The following SV2C variants were observed in gnomAD, a reference collection of about 807,000 sequenced individuals.
SV2C encodes the protein synaptic vesicle glycoprotein 2C.
SV2C carries 49 observed loss-of-function variants against 79.7 expected under a neutral mutation model. The observed-to-expected ratio is 0.61, with a 90% CI of 0.49 to 0.78. SV2C has a LOEUF of 0.78. Ranked by LOEUF, SV2C falls within the 30% of genes least tolerant of loss-of-function variation. The pLI is 0.00. For synonymous variants in SV2C, 334 were observed against 333.2 expected, an observed-to-expected ratio of 1.00 and a Z score of -0.03; for missense variants, 833 against 912.9, an observed-to-expected ratio of 0.91 and a Z score of 1.13.
chr5:76,243,848 A>G (rs1745867268), intron 4 of SV2C, among the ~76,000 whole-genome samples: 1 of 151,598 alleles, frequency 6.6e-6, no homozygotes, highest in Non-Finnish European at 1.5e-5. Flanking sequence ...ACATCCTCCC[A>G]CTCCAACTCA....
At chr5:76,204,040 G>T (rs1419973865) in intron 3 of SV2C, among the ~76,000 whole-genome samples, 1 of 152,200 alleles carries the variant, frequency 6.6e-6, no homozygotes, top group East Asian at 1.9e-4. Flanking sequence ...TATTCAGAAA[G>T]AGTGTTAGGT....
intron 1 of SV2C, among the ~76,000 whole-genome samples, chr5:76,104,086 C>G (rs1182072835): frequency 1.3e-5 from 2 of 152,204 alleles, no homozygotes; most frequent in Non-Finnish European, 2.9e-5. Context: ...GTGACTTTAA[C>G]TCATTTGCTA....
chr5:75,920,923 G>T, the SV2C span: 1 of 735,594 alleles, frequency 1.4e-6, no homozygotes, highest in East Asian at 2.5e-5. Flanking sequence ...TGGTCTCGTG[G>T]ATCCTGGCAA....
chr5:76,039,669 T>A, the SV2C span, among the ~76,000 whole-genome samples: 1 of 148,308 alleles, frequency 6.7e-6, no homozygotes, highest in South Asian at 2.1e-4. Flanking sequence ...GGCAGGAGAA[T>A]CGCTTGAACC....
the SV2C span, among the ~76,000 whole-genome samples, chr5:76,044,357 G>C: frequency 6.6e-6 from 1 of 152,138 alleles, no homozygotes; most frequent in African/African-American, 2.4e-5. Flanking sequence ...TGTGAATAGT[G>C]CTGCAATGAA....
At chr5:76,160,370 C>A (rs1355961219) in intron 2 of SV2C, among the ~76,000 whole-genome samples, 1 of 152,150 alleles carries the variant, frequency 6.6e-6, no homozygotes, top group African/African-American at 2.4e-5. Context: ...GTGGTACTGG[C>A]ACAAAGTTAG....
chr5:76,305,677 T>C (rs1748163048), intron 12 of SV2C, among the ~76,000 whole-genome samples: 2 of 152,248 alleles, frequency 1.3e-5, no homozygotes, highest in Non-Finnish European at 2.9e-5. Flanking sequence ...AATCTAGATG[T>C]ACTTACTGAA....
At chr5:75,942,346 A>C in the SV2C span, among the ~76,000 whole-genome samples, 3 of 152,320 alleles carry the variant, frequency 2.0e-5, no homozygotes, top group Non-Finnish European at 4.4e-5. Context: ...GGGTCATGGA[A>C]ACCACAACCT....
At chr5:75,882,889 C>T in the SV2C span, among the ~76,000 whole-genome samples, 1 of 151,878 alleles carries the variant, frequency 6.6e-6, no homozygotes. Flanking sequence ...AAACTACCAT[C>T]AGAGTAAAGA....
At chr5:76,242,090 A>C (rs1318833663) in intron 4 of SV2C, 6 of 1,450,590 alleles carry the variant, frequency 4.1e-6, no homozygotes, top group African/African-American at 1.4e-5. Context: ...CATTTCCTGC[A>C]GGGTTATTTC....
At chr5:75,920,895 A>AGCAGGCCCT in the SV2C span, 1 of 752,390 alleles carries the variant, frequency 1.3e-6, no homozygotes, top group Non-Finnish European at 2.5e-6. Flanking sequence ...GGTCAGGGTC[A>AGCAGGCCCT]GCAGGCCCTG....
At chr5:75,997,422 A>C in the SV2C span, among the ~76,000 whole-genome samples, 1 of 48,084 alleles carries the variant, frequency 2.1e-5, no homozygotes, top group Non-Finnish European at 4.0e-5. Context: ...AATGGGAGAA[A>C]ATTTTTGCAA....
chr5:76,141,668 A>T (rs1749254352), intron 2 of SV2C, among the ~76,000 whole-genome samples: 1 of 151,814 alleles, frequency 6.6e-6, no homozygotes, highest in Admixed American at 6.6e-5. Context: ...TACTAAAAAT[A>T]CAAAAATTAG....
the SV2C span, among the ~76,000 whole-genome samples, chr5:75,881,634 C>T: frequency 7.2e-5 from 11 of 152,152 alleles, no homozygotes; most frequent in Admixed American, 2.0e-4. Flanking sequence ...TTGTGATTTT[C>T]GTACGTTGAT....
chr5:75,951,289 C>G, the SV2C span, among the ~76,000 whole-genome samples: 35,622 of 151,968 alleles, frequency 0.23, 5,381 homozygotes, highest in Non-Finnish European at 0.35. Flanking sequence ...CAATTGAGTG[C>G]AAACATGTCT....
chr5:76,023,489 C>T, the SV2C span, among the ~76,000 whole-genome samples: 21 of 151,946 alleles, frequency 1.4e-4, no homozygotes, highest in Middle Eastern at 3.2e-3. Context: ...ATGTAGCCAT[C>T]CCAGAACAGG....
intron 4 of SV2C, among the ~76,000 whole-genome samples, chr5:76,265,535 C>T (rs1349266245): frequency 6.6e-6 from 1 of 152,214 alleles, no homozygotes; most frequent in Non-Finnish European, 1.5e-5. Flanking sequence ...AAAGAATACT[C>T]CTACAGCTAG....
the SV2C span, among the ~76,000 whole-genome samples, chr5:76,017,352 T>C: frequency 4.1e-3 from 629 of 152,250 alleles, 4 homozygotes; most frequent in African/African-American, 0.014. Context: ...AGTGGCGCAA[T>C]CTTGGCTCAC....
intron 2 of SV2C, among the ~76,000 whole-genome samples, chr5:76,157,054 A>G (rs966268333): frequency 6.6e-6 from 1 of 152,126 alleles, no homozygotes. Flanking sequence ...ATATTAATGT[A>G]CATATCTAGA....
Sources: allele counts gnomAD v4.1 joint callset (sites outside exome capture counted in the v4.1 genomes callset), GRCh38; gene constraint gnomAD v4.1.1; transcripts MANE v1.5; gene names NCBI Gene and HGNC (gene_info 2026-07-23, HGNC 2026-07-21).